Variants in ABCB1 observed in about 807,000 individuals in gnomAD.
The protein encoded by ABCB1 is ATP binding cassette subfamily B member 1, also known as ATP-dependent translocase ABCB1.
ABCB1 carries 69 observed loss-of-function variants against 142.0 expected under a neutral mutation model. That is an observed-to-expected ratio of 0.49 (90% CI 0.40 to 0.59). The LOEUF is 0.59. Among genes scored for constraint, ABCB1 ranks in the 20% least tolerant of loss-of-function variants. ABCB1 has a pLI of 0.00. For synonymous variants in ABCB1, 532 were observed against 539.2 expected, an observed-to-expected ratio of 0.99 and a Z score of 0.18; for missense variants, 1,326 against 1,554.7, an observed-to-expected ratio of 0.85 and a Z score of 2.47.
intron 17 of ABCB1, among the ~76,000 whole-genome samples, chr7:87,541,722 T>C (rs1004649316): frequency 2.6e-5 from 4 of 152,226 alleles, no homozygotes; most frequent in Admixed American, 2.6e-4. Context: ...GAGTGCCACC[T>C]CAACTGTGTA....
chr7:87,548,827 G>C (rs28381904), intron 14 of ABCB1, among the ~76,000 whole-genome samples: 1 of 152,290 alleles, frequency 6.6e-6, no homozygotes, highest in East Asian at 1.9e-4. Flanking sequence ...TCAATAACCT[G>C]TCATGGCTTA....
At chr7:87,589,112 T>G (rs963001931) in intron 3 of ABCB1, among the ~76,000 whole-genome samples, 1 of 152,098 alleles carries the variant, frequency 6.6e-6, no homozygotes, top group Non-Finnish European at 1.5e-5. Context: ...TTGAAGAAAG[T>G]GGTAACATAA....
In ABCB1 at chr7:87,593,436, C is replaced by A. The variant is rs551110253; in HGVS notation, c.117+2330G>T. ...CACTTTTTTAAGATTGCTAAAAAAT[C>A]TCATAGTGGAAATAAATTAACAGAC... is the stretch of plus-strand genomic sequence containing the variant. On this transcript the variant is annotated intron_variant, in intron 3 of 27. Transcript: ENST00000622132. Among the ~76,000 whole-genome samples, 110 of 152,246 alleles carry A rather than the reference C, an allele frequency of 7.2e-4. 3 individuals are homozygous for A. The South Asian group carries it at 0.013, about 18-fold the overall frequency.
intron 21 of ABCB1, among the ~76,000 whole-genome samples, chr7:87,523,384 T>C (rs560146357): frequency 7.4e-4 from 112 of 152,272 alleles, no homozygotes; most frequent in African/African-American, 2.6e-3. Context: ...TCCCAGCAGT[T>C]TGGGAGATGG....
chr7:87,525,214 A>C (rs1815730018), intron 21 of ABCB1, among the ~76,000 whole-genome samples: 1 of 152,184 alleles, frequency 6.6e-6, no homozygotes. Context: ...CCAAGAACAA[A>C]TAGCATCGAG....
chr7:87,503,614 G>T lies in ABCB1; in HGVS notation c.*629C>A. On this transcript the variant is annotated 3_prime_UTR_variant, in exon 28 of 28. Coordinates refer to ENST00000622132, the MANE Select transcript of ABCB1 (RefSeq NM_001348946.2). ...AAATCTTATATCGATCTGTGTTTTG[G>T]GTTTGAGAGCCACCTTAATGTGGAA... is the stretch of plus-strand genomic sequence containing the variant. 6.4e-6 allele frequency: 1 copy of T among 155,854 alleles called. No individual in the cohort carries two copies. The highest frequency in any genetic ancestry group is 1.4e-5 in the Non-Finnish European group (1 of 70,200). The allele number at this position is 155,854 out of a possible 1,614,324, so 9.7% of individuals were successfully genotyped here.
At chr7:87,577,034 A>G (rs1340080580) in intron 4 of ABCB1, among the ~76,000 whole-genome samples, 3 of 152,068 alleles carry the variant, frequency 2.0e-5, no homozygotes, top group African/African-American at 7.2e-5. Flanking sequence ...ATATTTTTGT[A>G]TCCTTTAACC....
At chr7:87,706,503 A>G (rs1829599051) in intron 1 of ABCB1, among the ~76,000 whole-genome samples, 1 of 152,208 alleles carries the variant, frequency 6.6e-6, no homozygotes, top group Non-Finnish European at 1.5e-5. Flanking sequence ...TACTGCTGAG[A>G]ACAACTATAA....
At chr7:87,578,989 G>T (rs1026705756) in intron 4 of ABCB1, among the ~76,000 whole-genome samples, 1 of 152,146 alleles carries the variant, frequency 6.6e-6, no homozygotes, top group South Asian at 2.1e-4. Flanking sequence ...CACCGCGCCC[G>T]GCCGAGATTA....
At chr7:87,618,458 T>C (rs1820107635) in intron 1 of ABCB1, among the ~76,000 whole-genome samples, 1 of 152,198 alleles carries the variant, frequency 6.6e-6, no homozygotes, top group African/African-American at 2.4e-5. Context: ...AGGAGGTTAA[T>C]AGTCGCTTTG....
intron 14 of ABCB1, among the ~76,000 whole-genome samples, chr7:87,547,441 A>C (rs1307615076): frequency 2.0e-5 from 3 of 152,198 alleles, no homozygotes; most frequent in Non-Finnish European, 2.9e-5. Flanking sequence ...AACACAGATA[A>C]GCAAACCAGT....
At chr7:87,515,927 TAA>T (rs1491462815) in intron 24 of ABCB1, among the ~76,000 whole-genome samples, 2 of 152,150 alleles carry the variant, frequency 1.3e-5, no homozygotes, top group African/African-American at 4.8e-5. Context: ...AAATGAGATC[TAA>T]AAGAGTAAAA....
chr7:87,616,763 T>A (rs1389622299), intron 1 of ABCB1, among the ~76,000 whole-genome samples: 1 of 152,234 alleles, frequency 6.6e-6, no homozygotes, highest in African/African-American at 2.4e-5. Context: ...CAAGGTCATA[T>A]AATTCATGAA....
At chr7:87,517,505 C>G (rs1405935136) in intron 23 of ABCB1, among the ~76,000 whole-genome samples, 1 of 152,036 alleles carries the variant, frequency 6.6e-6, no homozygotes, top group East Asian at 1.9e-4. Context: ...ATGAGTAAGT[C>G]CAGCCGAGAT....
intron 1 of ABCB1, among the ~76,000 whole-genome samples, chr7:87,600,446 C>G (rs902030787): frequency 6.6e-6 from 1 of 152,202 alleles, no homozygotes; most frequent in Admixed American, 6.5e-5. Context: ...GATTCTCCCT[C>G]CCGGTTCCAG....
At chr7:87,504,571 G>T (rs187439563) in intron 27 of ABCB1, 122 bp from the exon 28 acceptor site, 1 of 1,272,206 alleles carries the variant, frequency 7.9e-7, no homozygotes, top group Non-Finnish European at 1.1e-6. Flanking sequence ...CACTTTGGGA[G>T]GCCAAGGCGG....
chr7:87,624,785 C>T (rs2130111022), intron 1 of ABCB1, among the ~76,000 whole-genome samples: 1 of 152,238 alleles, frequency 6.6e-6, no homozygotes, highest in East Asian at 1.9e-4. Flanking sequence ...CCAGGACATA[C>T]TACTTAGGAT....
At chr7:87,535,103 G>C (rs1356457757) in intron 20 of ABCB1, among the ~76,000 whole-genome samples, 1 of 151,816 alleles carries the variant, frequency 6.6e-6, no homozygotes, top group Non-Finnish European at 1.5e-5. Flanking sequence ...AACCAAATTA[G>C]TCTAAAACAC....
intron 21 of ABCB1, among the ~76,000 whole-genome samples, chr7:87,525,386 T>G (rs1246168458): frequency 6.6e-6 from 1 of 152,128 alleles, no homozygotes; most frequent in Non-Finnish European, 1.5e-5. Context: ...AATGGAGCCT[T>G]GGACAACATG....
Sources: gnomAD v4.1 joint callset for allele counts (sites outside exome capture counted in the v4.1 genomes callset) on GRCh38, gnomAD v4.1.1 for gene constraint, MANE v1.5 for transcripts, NCBI Gene and HGNC (gene_info 2026-07-23, HGNC 2026-07-21) for gene names.